CEP112: variants seen among roughly 807,000 people sequenced by gnomAD.
CEP112 encodes the protein centrosomal protein of 112 kDa.
Under a neutral mutation model 153.0 loss-of-function variants are expected in CEP112, and 127 were observed. That is an observed-to-expected ratio of 0.83 (90% CI 0.72 to 0.96). The LOEUF (loss-of-function observed/expected upper bound fraction) is 0.96, where lower values mean the gene tolerates loss of function less well. Among genes scored for constraint, CEP112 ranks in the 40% least tolerant of loss-of-function variants. CEP112 has a pLI of 0.00. For synonymous variants in CEP112, 358 were observed against 374.4 expected, an observed-to-expected ratio of 0.96 and a Z score of 0.51; for missense variants, 1,089 against 1,101.2, an observed-to-expected ratio of 0.99 and a Z score of 0.16.
chr17:65,825,909 C>T (rs1274645248), intron 21 of CEP112, among the ~76,000 whole-genome samples: 1 of 152,106 alleles, frequency 6.6e-6, no homozygotes, highest in African/African-American at 2.4e-5. Context: ...CTGCCTGTTG[C>T]CCCCAGATGT....
intron 17 of CEP112, among the ~76,000 whole-genome samples, chr17:65,971,591 GCATGCA>G (rs2062822982): frequency 6.6e-6 from 1 of 150,638 alleles, no homozygotes; most frequent in Admixed American, 6.6e-5. Flanking sequence ...TATATTACAT[GCATGCA>G]TATTGTGTGC....
At chr17:65,993,021 C>T (rs2063653518) in intron 17 of CEP112, among the ~76,000 whole-genome samples, 1 of 152,138 alleles carries the variant, frequency 6.6e-6, no homozygotes, top group African/African-American at 2.4e-5. Context: ...TGATTTGCTG[C>T]ACCCATCAAC....
chr17:66,116,865 T>C (rs1320263376), intron 6 of CEP112, among the ~76,000 whole-genome samples: 1 of 145,206 alleles, frequency 6.9e-6, no homozygotes, highest in Non-Finnish European at 1.5e-5. Context: ...CCAATCTCCT[T>C]TTTTTTTTTT....
In CEP112 at chr17:65,916,250, A is replaced by AGTGTGTGTGTGTGTGTGTGTGT. The variant is rs3222034; in HGVS notation, c.1980+11310_1980+11331dup. Reference sequence around the variant, plus strand: ...TACCTTAAATTATGTTTTGAAAAAGAGTGTGTGTGTGTGTGTGTGTGTGTG... The same window carrying AGTGTGTGTGTGTGTGTGTGTGT: ...TACCTTAAATTATGTTTTGAAAAAGAGTGTGTGTGTGTGTGTGTGTGTGTGTGTGTGTGTGTGTGTGTGTGTG... On this transcript the variant is annotated intron_variant, in intron 19 of 26. Coordinates refer to ENST00000535342, the MANE Select transcript of CEP112 (RefSeq NM_001199165.4). 3.8e-5 allele frequency among the ~76,000 whole-genome samples: 5 copies of AGTGTGTGTGTGTGTGTGTGTGT among 129,962 alleles called. No individual in the cohort carries two copies. In the East Asian group the frequency reaches 9.3e-4, roughly 24 times the overall value. 85.3% of individuals were successfully genotyped at this position (129,962 alleles called of 152,430 possible).
chr17:65,992,266 T>C (rs1598035146), intron 17 of CEP112, among the ~76,000 whole-genome samples: 1 of 152,210 alleles, frequency 6.6e-6, no homozygotes, highest in Non-Finnish European at 1.5e-5. Context: ...AAAAGATAAA[T>C]GAAGAAGATT....
At chr17:66,018,216 G>A (rs1442236404) in intron 16 of CEP112, among the ~76,000 whole-genome samples, 1 of 152,046 alleles carries the variant, frequency 6.6e-6, no homozygotes, top group East Asian at 1.9e-4. Context: ...GATAGTCAAG[G>A]ATACATAATA....
At chr17:65,650,383 C>T (rs1208961939) in intron 24 of CEP112, among the ~76,000 whole-genome samples, 4 of 152,136 alleles carry the variant, frequency 2.6e-5, no homozygotes, top group South Asian at 2.1e-4. Context: ...TTAGCAAAAA[C>T]GGGCCCCACA....
chr17:66,093,834 T>G (rs752841852), intron 8 of CEP112, among the ~76,000 whole-genome samples: 3 of 152,016 alleles, frequency 2.0e-5, no homozygotes, highest in Non-Finnish European at 4.4e-5. Flanking sequence ...ACCCTAAAAT[T>G]TATATGAAAC....
At chr17:65,885,532 C>T (rs926900976) in intron 20 of CEP112, among the ~76,000 whole-genome samples, 1 of 151,964 alleles carries the variant, frequency 6.6e-6, no homozygotes, top group African/African-American at 2.4e-5. Flanking sequence ...GCTTCATTAC[C>T]CTGCAATGTA....
intron 21 of CEP112, among the ~76,000 whole-genome samples, chr17:65,835,412 T>G (rs956292296): frequency 6.6e-6 from 1 of 151,946 alleles, no homozygotes; most frequent in African/African-American, 2.4e-5. Flanking sequence ...ACTAATCAAA[T>G]TAGCAAAAAT....
Position 66,056,162 on chromosome 17 carries a change from G to T in CEP112, c.1075-2283C>A, listed in dbSNP as rs374883475. Reference sequence around the variant, plus strand: ...AATTTTTACCCAGAGTTTGATAATGGGTACAGGAGACACCAATGCCCTTCC... The same window carrying T: ...AATTTTTACCCAGAGTTTGATAATGTGTACAGGAGACACCAATGCCCTTCC... On this transcript the variant is annotated intron_variant, in intron 11 of 26. Transcript: ENST00000535342. Among the ~76,000 whole-genome samples the T allele has an allele frequency of 1.0e-3, 158 of 152,192 alleles. 3 individuals are homozygous for T. The South Asian group carries it at 0.031, about 30-fold the overall frequency.
intron 21 of CEP112, among the ~76,000 whole-genome samples, chr17:65,825,604 G>A (rs957146240): frequency 1.1e-4 from 16 of 152,112 alleles, no homozygotes; most frequent in African/African-American, 3.4e-4. Context: ...AAAAATTCTC[G>A]AGACGGATCG....
chr17:65,961,881 T>A (rs1236283363), intron 17 of CEP112, among the ~76,000 whole-genome samples: 1 of 152,172 alleles, frequency 6.6e-6, no homozygotes, highest in African/African-American at 2.4e-5. Context: ...GATGAATGAA[T>A]AAACAAAATG....
chr17:65,987,536 T>A (rs73338694), intron 17 of CEP112, among the ~76,000 whole-genome samples: 9,852 of 152,222 alleles, frequency 0.065, 459 homozygotes, highest in South Asian at 0.12. Flanking sequence ...TCTTACTGTA[T>A]CCTAGCACAA....
rs775722057 is a variant in CEP112, at chr17:66,029,908, T to C, written c.1334A>G (p.Tyr445Cys). ...IQEKAELERC[Y>C]QITCSELQEV... ...TTGTAATTCACTACACGTTATCTGG[T>C]AACATCTTTCAAGTTCTGCTTTTTC... is the stretch of plus-strand genomic sequence containing the variant. Residue 445 changes from tyrosine to cysteine, a missense_variant, in exon 13 of 27, where the codon TAC becomes TGC. Coordinates refer to ENST00000535342, the MANE Select transcript of CEP112 (RefSeq NM_001199165.4). 6.2e-6 allele frequency: 10 copies of C among 1,613,920 alleles called. No individual in the cohort carries two copies. In the South Asian group the frequency reaches 1.1e-4, roughly 18 times the overall value.
At chr17:66,149,874 TTTTTTGTTTGTTTG>T (rs1172276596) in intron 4 of CEP112, among the ~76,000 whole-genome samples, 936 of 81,616 alleles carry the variant, frequency 0.011, 64 homozygotes, top group Non-Finnish European at 0.015. Flanking sequence ...TAGGGTTTTT[TTTTTTGTTTGTTTG>T]TTTTTTTTTT....
intron 21 of CEP112, among the ~76,000 whole-genome samples, chr17:65,834,917 T>C (rs1456047634): frequency 6.6e-6 from 1 of 152,152 alleles, no homozygotes; most frequent in Non-Finnish European, 1.5e-5. Context: ...TGCAGCACTA[T>C]CCACAATAGC....
chr17:66,079,531 T>G lies in CEP112; in HGVS notation c.769-9530A>C, dbSNP rs375984540. 1.8e-4 allele frequency among the ~76,000 whole-genome samples: 27 copies of G among 152,268 alleles called. No homozygotes were observed. In the East Asian group the frequency reaches 2.5e-3, roughly 14 times the overall value. ...TGAACACAAACAAATGAAAAAACAT[T>G]CCATGCTCATGGATAGGAAGAATGA... On this transcript the variant is annotated intron_variant, in intron 8 of 26. Coordinates refer to ENST00000535342, the MANE Select transcript of CEP112 (RefSeq NM_001199165.4).
chr17:65,741,641 T>A (rs1217651678), intron 23 of CEP112, among the ~76,000 whole-genome samples: 1 of 151,898 alleles, frequency 6.6e-6, no homozygotes, highest in African/African-American at 2.4e-5. Context: ...ACCAGAACTA[T>A]GCTGTCAGGA....
Sources: allele counts gnomAD v4.1 joint callset (sites outside exome capture counted in the v4.1 genomes callset), GRCh38; gene constraint gnomAD v4.1.1; transcripts MANE v1.5; gene names NCBI Gene and HGNC (gene_info 2026-07-23, HGNC 2026-07-21).